Variants in LIN7B observed in about 807,000 individuals in gnomAD.
LIN7B encodes the protein protein lin-7 homolog B.
A neutral mutation model predicts 27.9 loss-of-function variants in LIN7B; 16 were observed. The observed-to-expected ratio is 0.57, with a 90% CI of 0.39 to 0.87. The LOEUF (loss-of-function observed/expected upper bound fraction) is 0.87, where lower values mean the gene tolerates loss of function less well. Among genes scored for constraint, LIN7B ranks in the 40% least tolerant of loss-of-function variants. The pLI, the probability that LIN7B is intolerant of heterozygous loss-of-function variation, is 0.00. For synonymous variants in LIN7B, 147 were observed against 120.8 expected, an observed-to-expected ratio of 1.22 and a Z score of -1.42; for missense variants, 291 against 288.5, an observed-to-expected ratio of 1.01 and a Z score of -0.06.
Position 49,117,967 on chromosome 19 carries a change from G to T in LIN7B, c.551G>T (p.Arg184Leu). 1 of 1,614,072 alleles carries T rather than the reference G, an allele frequency of 6.2e-7. No individual in the cohort carries two copies. The highest frequency in any genetic ancestry group is 8.5e-7 in the Non-Finnish European group (1 of 1,179,978). ...TPRVLEEMEA[R>L]FEKMRSARRR... ...CGAGTGCTGGAGGAGATGGAGGCCC[G>T]GTTCGAGAAGATGCGCTCTGCCCGC... The change falls in exon 5 of 6, where the codon CGG (arginine) becomes CTG (leucine). Residue 184 changes from arginine (R) to leucine (L), a missense_variant. Physicochemically the swap from Arg to Leu is moderately radical, Grantham distance 102. Coordinates refer to ENST00000221459, the MANE Select transcript of LIN7B (RefSeq NM_022165.3).
At position 49,116,331 on chromosome 19, in the gene LIN7B, G is replaced by A. The variant is rs778771020; in HGVS notation, c.297G>A (p.Thr99=). The A allele has an allele frequency of 1.1e-5, 18 of 1,614,036 alleles. No individual in the cohort carries two copies. The East Asian group carries it at 1.6e-4, about 14-fold the overall frequency. ...AHPRVVELPK[T]DEGLGFNIMG... ...CCAGGGTAGTGGAGCTACCCAAGAC[G>A]GATGAGGGCCTAGGCTTCAACATCA... is the stretch of plus-strand genomic sequence containing the variant. The change falls in exon 4 of 6, where the codon ACG becomes ACA. Residue 99 remains threonine (T), a synonymous_variant. Transcript: ENST00000221459.
intron 2 of LIN7B, 78 bp from the exon 3 acceptor site, chr19:49,115,182 A>C: frequency 8.0e-7 from 1 of 1,249,692 alleles, no homozygotes; most frequent in Non-Finnish European, 1.1e-6. Flanking sequence ...GTAGCGGGAG[A>C]GGGTCTAGAG....
intron 5 of LIN7B, 36 bp from the exon 6 acceptor site, chr19:49,118,315 TC>T (rs1416331809): frequency 6.2e-7 from 1 of 1,612,908 alleles, no homozygotes; most frequent in Non-Finnish European, 8.5e-7. Context: ...ACCCGGAGCC[TC>T]CCTGATCCCG....
At chr19:49,115,592 G>A (rs2040813056) in intron 3 of LIN7B, 1 of 378,668 alleles carries the variant, frequency 2.6e-6, no homozygotes, top group African/African-American at 2.1e-5. Flanking sequence ...GGAAACTCAT[G>A]GCGCTCTGAC....
Position 49,117,903 on chromosome 19 carries a change from G to GC in LIN7B, c.490dup (p.Gln164ProfsTer69). ...GAAGGCGGTGGAGCTGCTGAAGGCG[G>GC]CCCAGGGCTCGGTGAAGCTGGTTGT... On this transcript the variant is annotated frameshift_variant, in exon 5 of 6. Coordinates refer to ENST00000221459, the MANE Select transcript of LIN7B (RefSeq NM_022165.3). LOFTEE classifies it high-confidence loss of function. 6.2e-7 allele frequency: 1 copy of GC among 1,614,028 alleles called. No homozygotes were observed. Among genetic ancestry groups the GC allele is most frequent in the Non-Finnish European group, 8.5e-7 (1 of 1,179,958 alleles).
rs749867417 is a variant in LIN7B, at chr19:49,116,460, G to A, written c.426G>A (p.Ser142=). The A allele has an allele frequency of 1.5e-5, 24 of 1,613,862 alleles. No homozygotes were observed. Among genetic ancestry groups the A allele is most frequent in the African/African-American group, 5.3e-5 (4 of 74,924 alleles). Residue 142 remains serine, a synonymous_variant, in exon 4 of 6, where the codon TCG becomes TCA. Transcript: ENST00000221459. ...TCAAGCGTGGGGATCAACTGTTGTC[G>A]GTGAACGGTGTGGTGAGTGGAGGGC... is the stretch of plus-strand genomic sequence containing the variant. ...GGLKRGDQLL[S]VNGVSVEGEQ...
chr19:49,118,261 C>A, intron 5 of LIN7B, 91 bp from the exon 6 acceptor site: 1 of 1,465,776 alleles, frequency 6.8e-7, no homozygotes, highest in Non-Finnish European at 9.6e-7. Context: ...AGCCCACTTA[C>A]CTGGGCCCTT....
At chr19:49,116,094 A>G in intron 3 of LIN7B, 169 bp from the exon 4 acceptor site, 2 of 590,792 alleles carry the variant, frequency 3.4e-6, no homozygotes, top group Non-Finnish European at 6.0e-6. Context: ...AGTGAACAGA[A>G]AGAGACGCAC....
rs1009061559 is a variant in LIN7B, at chr19:49,114,437, G to A, written c.33G>A (p.Glu11=). The A allele has an allele frequency of 1.4e-4, 164 of 1,207,930 alleles. No homozygotes were observed. Among genetic ancestry groups the A allele is most frequent in the Non-Finnish European group, 1.6e-4 (159 of 972,650 alleles). The allele number at this position is 1,207,930 out of a possible 1,614,324, so 74.8% of individuals were successfully genotyped here. MAALVEPLGL[E]RDVSRAVELL... ...CGCTGGTGGAGCCGCTGGGGCTGGA[G>A]CGGGGTAAGCGTGCGCCAGGGGGCC... Residue 11 remains glutamate (E), a synonymous_variant, in exon 1 of 6, where the codon GAG becomes GAA. Coordinates refer to ENST00000221459, the MANE Select transcript of LIN7B (RefSeq NM_022165.3).
chr19:49,116,554 C>A (rs2040829407), intron 4 of LIN7B, 82 bp downstream of exon 4: 4 of 1,266,318 alleles, frequency 3.2e-6, no homozygotes, highest in South Asian at 1.4e-5. Context: ...TCACTCAACA[C>A]ACACTGAGTG....
intron 2 of LIN7B, 26 bp from the exon 3 acceptor site, chr19:49,115,234 C>T (rs745402707): frequency 2.1e-5 from 32 of 1,545,244 alleles, no homozygotes; most frequent in Non-Finnish European, 2.8e-5. Flanking sequence ...CTGGCGACTC[C>T]CTGATGCCGC....
rs1220588233 is a variant in LIN7B at position 49,117,161 on chromosome 19, G to A, written c.438+689G>A. ...CTTGGGAGGGTGAGGCAGGAGAATC[G>A]CTTGAACCTGGGAGGCAGAGGTTGC... On this transcript the variant is annotated intron_variant, in intron 4 of 5. Transcript: ENST00000221459. Among the ~76,000 whole-genome samples the A allele has an allele frequency of 9.3e-5, 14 of 150,456 alleles. No homozygotes were observed. In the East Asian group the frequency reaches 1.4e-3, roughly 15 times the overall value.
intron 4 of LIN7B, among the ~76,000 whole-genome samples, chr19:49,117,263 A>C (rs867585206): frequency 8.8e-6 from 1 of 113,558 alleles, no homozygotes; most frequent in Non-Finnish European, 1.8e-5. Context: ...AAAAAAAAAA[A>C]CAAAACTCAC....
chr19:49,114,978 C>A lies in LIN7B; in HGVS notation c.156+11C>A. 1.4e-6 allele frequency: 2 copies of A among 1,404,766 alleles called. No homozygotes were observed. The highest frequency in any genetic ancestry group is 1.9e-6 in the Non-Finnish European group (2 of 1,074,820). The allele number at this position is 1,404,766 out of a possible 1,614,324, so 87.0% of individuals were successfully genotyped here. On this transcript the variant is annotated intron_variant, in intron 2 of 5. Transcript: ENST00000221459. ...TCCGCTATCCGAGAGGTGAGGGGCG[C>A]GCGGCGCAGGGGCGCGAGCTGGTGG...
At chr19:49,117,173 G>A (rs1047283589) in intron 4 of LIN7B, among the ~76,000 whole-genome samples, 4 of 151,266 alleles carry the variant, frequency 2.6e-5, no homozygotes, top group African/African-American at 9.7e-5. Flanking sequence ...TTGAACCTGG[G>A]AGGCAGAGGT....
At chr19:49,117,645 AG>A (rs2040851045) in intron 4 of LIN7B, among the ~76,000 whole-genome samples, 1 of 152,106 alleles carries the variant, frequency 6.6e-6, no homozygotes, top group Non-Finnish European at 1.5e-5. Flanking sequence ...CCAGGGACTG[AG>A]GGAACACGGG....
At chr19:49,117,268 A>C (rs1003994184) in intron 4 of LIN7B, among the ~76,000 whole-genome samples, 6 of 142,586 alleles carry the variant, frequency 4.2e-5, no homozygotes, top group Non-Finnish European at 7.7e-5. Flanking sequence ...AAAAAACAAA[A>C]CTCACTGTGG....
chr19:49,118,243 G>A lies in LIN7B; in HGVS notation c.603-109G>A, dbSNP rs562293131. ...AAGATACGGAACCTACTGTGGCTGGGATCCCTCAGCCCACTTACCTGGGCC... is the reference window on the plus strand; with the variant it reads ...AAGATACGGAACCTACTGTGGCTGGAATCCCTCAGCCCACTTACCTGGGCC... On this transcript the variant is annotated intron_variant, in intron 5 of 5. Coordinates refer to ENST00000221459, the MANE Select transcript of LIN7B (RefSeq NM_022165.3). The A allele has an allele frequency of 2.9e-4, 403 of 1,392,144 alleles. 2 individuals carry two copies. In the African/African-American group the frequency reaches 5.1e-3, roughly 18 times the overall value. 86.2% of individuals were successfully genotyped at this position (1,392,144 alleles called of 1,614,324 possible).
In LIN7B at chr19:49,114,941, A is replaced by G; in HGVS notation, c.130A>G (p.Ser44Gly). Residue 44 changes from serine (S) to glycine (G), a missense_variant, in exon 2 of 6, where the codon AGC (serine) becomes GGC (glycine). Physicochemically the swap from Ser to Gly is moderately conservative, Grantham distance 56. Coordinates refer to ENST00000221459, the MANE Select transcript of LIN7B (RefSeq NM_022165.3). Reference protein sequence around the residue: ...KLQALQRVLQSRFCSAIREVY... With the variant: ...KLQALQRVLQGRFCSAIREVY... ...GCAGGCCCTCCAGCGAGTTCTGCAGAGCCGCTTCTGCTCCGCTATCCGAGA... is the reference window on the plus strand; with the variant it reads ...GCAGGCCCTCCAGCGAGTTCTGCAGGGCCGCTTCTGCTCCGCTATCCGAGA... 2 of 1,447,320 alleles carry G rather than the reference A, an allele frequency of 1.4e-6. No homozygotes were observed. The highest frequency in any genetic ancestry group is 1.8e-6 in the Non-Finnish European group (2 of 1,101,546). The allele number at this position is 1,447,320 out of a possible 1,614,324, so 89.7% of individuals were successfully genotyped here.
Sources: allele counts gnomAD v4.1 joint callset (sites outside exome capture counted in the v4.1 genomes callset), GRCh38; gene constraint gnomAD v4.1.1; transcripts MANE v1.5; gene names NCBI Gene and HGNC (gene_info 2026-07-23, HGNC 2026-07-21).